FBLN2: variants seen among roughly 807,000 people sequenced by gnomAD.
FBLN2 encodes the protein fibulin-2.
In FBLN2, 81 loss-of-function variants were observed where a neutral mutation model predicts 123.7. The observed-to-expected ratio is 0.65, with a 90% CI of 0.55 to 0.79. The LOEUF (loss-of-function observed/expected upper bound fraction) is 0.79. FBLN2 is among the 30% of genes least tolerant of loss of function. The pLI is 0.00. For synonymous variants in FBLN2, 699 were observed against 701.4 expected, an observed-to-expected ratio of 1.00 and a Z score of 0.05; for missense variants, 1,603 against 1,681.3, an observed-to-expected ratio of 0.95 and a Z score of 0.81.
At chr3:13,573,138 C>T (rs908766650) in intron 2 of FBLN2, among the ~76,000 whole-genome samples, 2 of 152,074 alleles carry the variant, frequency 1.3e-5, no homozygotes, top group Admixed American at 6.5e-5. Context: ...CTGGGGGGAG[C>T]GCCTCAAACA....
Position 13,568,313 on chromosome 3 carries a change from G to A in FBLN2, c.-41-2002G>A, listed in dbSNP as rs960021604. ...CCTGGACTTCTGTCTTCTGTCCGCT[G>A]CATCCTATCCATCAGCAAATCCTGT... On this transcript the variant is annotated intron_variant, in intron 1 of 17. Transcript: ENST00000404922. Among the ~76,000 whole-genome samples, 27 of 152,180 alleles carry A rather than the reference G, an allele frequency of 1.8e-4. 1 individual carries two copies. Among genetic ancestry groups the A allele is most frequent in the South Asian group, 1.5e-3 (7 of 4,820 alleles).
chr3:13,615,020 C>G (rs866944818), intron 5 of FBLN2, among the ~76,000 whole-genome samples: 67 of 144,262 alleles, frequency 4.6e-4, no homozygotes, highest in African/African-American at 1.5e-3. Flanking sequence ...ATCCATCCAT[C>G]CATGCATCCA....
In FBLN2 at chr3:13,602,913, TC is replaced by T. The variant is rs373757985; in HGVS notation, c.1307-5148del. On this transcript the variant is annotated intron_variant, in intron 2 of 17. Coordinates refer to ENST00000404922, the MANE Select transcript of FBLN2 (RefSeq NM_001004019.2). Reference sequence around the variant, plus strand: ...TTTGGCCCTTTTTTCTTTCTTTCTTTCTTTTTTTTTTTCCCCAAGACGAGTC... The same window carrying T: ...TTTGGCCCTTTTTTCTTTCTTTCTTTTTTTTTTTTTTCCCCAAGACGAGTC... Among the ~76,000 whole-genome samples the T allele has an allele frequency of 1.8e-3, 280 of 151,458 alleles. 5 individuals are homozygous for T. In the South Asian group the frequency reaches 0.033, roughly 18 times the overall value.
At chr3:13,590,029 T>C (rs1254596760) in intron 2 of FBLN2, among the ~76,000 whole-genome samples, 2 of 152,230 alleles carry the variant, frequency 1.3e-5, no homozygotes, top group Admixed American at 6.5e-5. Context: ...TTTCTTCTTA[T>C]GTGTAAACCC....
At chr3:13,551,544 G>GATCTTC in intron 1 of FBLN2, among the ~76,000 whole-genome samples, 1 of 152,288 alleles carries the variant, frequency 6.6e-6, no homozygotes, top group South Asian at 2.1e-4. Flanking sequence ...TTCAGCCCAG[G>GATCTTC]ATCTTTTCCC....
At chr3:13,549,697 C>T (rs919745166) in intron 1 of FBLN2, among the ~76,000 whole-genome samples, 2 of 151,796 alleles carry the variant, frequency 1.3e-5, no homozygotes, top group Non-Finnish European at 2.9e-5. Flanking sequence ...CCAAGTCACA[C>T]TCACCGCCAC....
At chr3:13,610,902 T>TTATTAG (rs1705369570) in intron 4 of FBLN2, among the ~76,000 whole-genome samples, 2 of 142,762 alleles carry the variant, frequency 1.4e-5, no homozygotes, top group Admixed American at 1.4e-4. Context: ...TTTTAAATTA[T>TTATTAG]TATTATTATT....
intron 16 of FBLN2, among the ~76,000 whole-genome samples, chr3:13,635,555 C>T (rs898876805): frequency 2.6e-5 from 4 of 152,182 alleles, no homozygotes; most frequent in East Asian, 3.9e-4. Flanking sequence ...CGTGTGCTCA[C>T]GTGTGTGCTG....
At chr3:13,580,468 G>A (rs111634311) in intron 2 of FBLN2, among the ~76,000 whole-genome samples, 4 of 152,298 alleles carry the variant, frequency 2.6e-5, no homozygotes, top group South Asian at 2.1e-4. Flanking sequence ...GCTGCCAGTC[G>A]TGGGGTGGGG....
intron 16 of FBLN2, among the ~76,000 whole-genome samples, chr3:13,633,075 T>C (rs1002562362): frequency 2.0e-5 from 3 of 152,212 alleles, no homozygotes; most frequent in African/African-American, 4.8e-5. Flanking sequence ...CTGTCTGCAT[T>C]GAGGACAGAC....
chr3:13,553,570 C>T (rs1034702612), intron 1 of FBLN2, among the ~76,000 whole-genome samples: 4 of 152,348 alleles, frequency 2.6e-5, no homozygotes, highest in South Asian at 2.1e-4. Context: ...TCAAGCCGTG[C>T]GTCATTTTGT....
At chr3:13,625,827 A>G (rs1258154652) in intron 9 of FBLN2, among the ~76,000 whole-genome samples, 3 of 149,248 alleles carry the variant, frequency 2.0e-5, no homozygotes, top group African/African-American at 2.5e-5. Context: ...GGAACTCTCT[A>G]TGGCTCCCTC....
intron 2 of FBLN2, among the ~76,000 whole-genome samples, chr3:13,573,002 G>A (rs559137539): frequency 6.6e-6 from 1 of 152,288 alleles, no homozygotes; most frequent in South Asian, 2.1e-4. Context: ...GAGTCCTCTA[G>A]CAAACAGGTT....
chr3:13,595,285 G>T (rs1330960522), intron 2 of FBLN2, among the ~76,000 whole-genome samples: 1 of 152,146 alleles, frequency 6.6e-6, no homozygotes, highest in Non-Finnish European at 1.5e-5. Flanking sequence ...CGGTGCTGAG[G>T]GGGCTGGCTG....
At chr3:13,613,320 A>C (rs931628685) in intron 4 of FBLN2, among the ~76,000 whole-genome samples, 1 of 152,244 alleles carries the variant, frequency 6.6e-6, no homozygotes, top group African/African-American at 2.4e-5. Flanking sequence ...GAACACAGAA[A>C]AGATTGAATA....
chr3:13,551,475 G>A (rs1465387085), intron 1 of FBLN2, among the ~76,000 whole-genome samples: 1 of 152,208 alleles, frequency 6.6e-6, no homozygotes, highest in African/African-American at 2.4e-5. Flanking sequence ...ACCTATTTAA[G>A]AGACGGGGAA....
intron 9 of FBLN2, among the ~76,000 whole-genome samples, chr3:13,622,615 C>T (rs916978459): frequency 1.3e-5 from 2 of 152,230 alleles, no homozygotes; most frequent in South Asian, 2.1e-4. Context: ...GGCTCATACC[C>T]GGCACCTGGC....
intron 11 of FBLN2, 60 bp from the exon 12 acceptor site, chr3:13,628,845 G>C: frequency 6.3e-7 from 1 of 1,581,626 alleles, no homozygotes; most frequent in Non-Finnish European, 8.6e-7. Flanking sequence ...GCCCTGGGAG[G>C]GGCTGGGGCC....
chr3:13,582,929 G>C (rs1452036527), intron 2 of FBLN2, among the ~76,000 whole-genome samples: 2 of 152,258 alleles, frequency 1.3e-5, no homozygotes, highest in Non-Finnish European at 2.9e-5. Context: ...TGGCAAAAGA[G>C]CAGAGGAGCC....
Sources: allele counts gnomAD v4.1 joint callset (sites outside exome capture counted in the v4.1 genomes callset), GRCh38; gene constraint gnomAD v4.1.1; transcripts MANE v1.5; gene names NCBI Gene and HGNC (gene_info 2026-07-23, HGNC 2026-07-21).